B4GALNT2: variants seen among roughly 807,000 people sequenced by gnomAD.
B4GALNT2 encodes the protein N-acetylneuraminylgalactosylglucosyl-glucoside beta-1,4-N- acetylgalactosaminyltransferase 2.
In B4GALNT2, 42 loss-of-function variants were observed where a neutral mutation model predicts 51.1. That is an observed-to-expected ratio of 0.82 (90% confidence interval 0.64 to 1.06). B4GALNT2 has a LOEUF of 1.06. Ranked by LOEUF, B4GALNT2 falls within the 50% of genes least tolerant of loss-of-function variation. The pLI is 0.00. For missense variants in B4GALNT2, 602 were observed against 633.6 expected (o/e 0.95, Z 0.54); for synonymous variants, 253 against 251.7 (o/e 1.01, Z -0.05).
intron 3 of B4GALNT2, among the ~76,000 whole-genome samples, chr17:49,150,099 C>T (rs1052411762): frequency 4.0e-5 from 6 of 150,354 alleles, no homozygotes; most frequent in African/African-American, 1.2e-4. Context: ...CCTGGCCAGC[C>T]GCCCCGTCCA....
In B4GALNT2 at chr17:49,136,480, G is replaced by GC. The variant is rs540201619; in HGVS notation, c.14+3676dup. Among the ~76,000 whole-genome samples the GC allele has an allele frequency of 1.2e-4, 18 of 151,662 alleles. No individual in the cohort carries two copies. In the South Asian group the frequency reaches 3.7e-3, roughly 32 times the overall value. On this transcript the variant is annotated intron_variant, in intron 1 of 10. Transcript: ENST00000393354. ...CAGTAATTTGATTTTTTTAAAAGGT[G>GC]CCTTTATTTACTTAGATGTTTAAGC... is the stretch of plus-strand genomic sequence containing the variant.
chr17:49,152,401 C>T (rs2042766299), intron 3 of B4GALNT2, among the ~76,000 whole-genome samples: 1 of 152,074 alleles, frequency 6.6e-6, no homozygotes, highest in South Asian at 2.1e-4. Flanking sequence ...CAGCCAGGTG[C>T]GGTGGCTCAC....
chr17:49,152,983 G>T, intron 4 of B4GALNT2, 77 bp downstream of exon 4: 2 of 1,318,982 alleles, frequency 1.5e-6, no homozygotes, highest in Non-Finnish European at 1.1e-6. Context: ...GAGGTCGGGT[G>T]CAGTGGCTCA....
intron 7 of B4GALNT2, among the ~76,000 whole-genome samples, chr17:49,162,102 G>A (rs1286171039): frequency 2.0e-5 from 3 of 151,406 alleles, no homozygotes; most frequent in African/African-American, 2.4e-5. Context: ...ATTCTCCTGC[G>A]TCAGCCTCCC....
chr17:49,129,673 G>A (rs1332412592), upstream of B4GALNT2, among the ~76,000 whole-genome samples: 1 of 151,202 alleles, frequency 6.6e-6, no homozygotes, highest in Non-Finnish European at 1.5e-5. Context: ...TTGGTTTTAG[G>A]GTGAGACAGC....
Position 49,171,571 on chromosome 17 carries a change from G to A in B4GALNT2, c.*1843G>A, listed in dbSNP as rs534332976. 108 of 421,872 alleles carry A rather than the reference G, an allele frequency of 2.6e-4. No homozygotes were observed. The highest frequency in any genetic ancestry group is 4.0e-4 in the Non-Finnish European group (87 of 216,596). The allele number at this position is 421,872 out of a possible 1,614,324, so 26.1% of individuals were successfully genotyped here. On this transcript the variant is annotated 3_prime_UTR_variant, in exon 11 of 11. Coordinates refer to ENST00000393354, the MANE Select transcript of B4GALNT2 (RefSeq NM_001159387.2). The stretch of plus-strand genomic sequence containing the variant: ...GCTTCTACAGTGGACCATATCATTT[G>A]AGGTTGAGGTGCCACTATACCGCCA...
chr17:49,135,505 G>A (rs967566911), intron 1 of B4GALNT2, among the ~76,000 whole-genome samples: 12 of 151,842 alleles, frequency 7.9e-5, no homozygotes, highest in African/African-American at 2.4e-4. Context: ...TGATCCACCC[G>A]CCTCGGCCTC....
At chr17:49,125,676 T>C in the B4GALNT2 span, among the ~76,000 whole-genome samples, 1 of 123,286 alleles carries the variant, frequency 8.1e-6, no homozygotes, top group Non-Finnish European at 1.7e-5. Flanking sequence ...GTCTCCGCCC[T>C]GTGGCCGCCC....
At chr17:49,120,486 G>C in the B4GALNT2 span, among the ~76,000 whole-genome samples, 1,805 of 28,778 alleles carry the variant, frequency 0.063, 11 homozygotes, top group South Asian at 0.12. Context: ...GTGTGTGTCT[G>C]TGTGTGTGTG....
At chr17:49,165,908 T>C (rs1283589597) in intron 8 of B4GALNT2, among the ~76,000 whole-genome samples, 1 of 152,188 alleles carries the variant, frequency 6.6e-6, no homozygotes, top group Non-Finnish European at 1.5e-5. Context: ...ACACAGTCAC[T>C]GTCCCTTCCA....
At chr17:49,124,730 G>A in the B4GALNT2 span, among the ~76,000 whole-genome samples, 2 of 152,210 alleles carry the variant, frequency 1.3e-5, no homozygotes, top group Admixed American at 1.3e-4. Flanking sequence ...CAAATTTACC[G>A]AATTTTAATG....
At chr17:49,159,294 T>C in intron 6 of B4GALNT2, 77 bp downstream of exon 6, 2 of 1,412,738 alleles carry the variant, frequency 1.4e-6, no homozygotes, top group East Asian at 4.6e-5. Flanking sequence ...GTCTTCCTCC[T>C]TCAGGAAGCC....
At chr17:49,159,881 G>T (rs1331494799) in intron 6 of B4GALNT2, among the ~76,000 whole-genome samples, 2 of 152,064 alleles carry the variant, frequency 1.3e-5, no homozygotes, top group Non-Finnish European at 2.9e-5. Context: ...GCCAGCCTGT[G>T]CCTCAGCATC....
At chr17:49,145,058 C>T (rs1035123734) in intron 3 of B4GALNT2, among the ~76,000 whole-genome samples, 1 of 152,132 alleles carries the variant, frequency 6.6e-6, no homozygotes, top group African/African-American at 2.4e-5. Context: ...GGTCTGCCTT[C>T]CCCAGCCCAC....
At position 49,167,770 on chromosome 17, in the gene B4GALNT2, C is replaced by T. The variant is rs765733030; in HGVS notation, c.1096-911C>T. Among the ~76,000 whole-genome samples the T allele has an allele frequency of 2.6e-5, 4 of 152,012 alleles. No homozygotes were observed. In the South Asian group the frequency reaches 6.2e-4, roughly 24 times the overall value. On this transcript the variant is annotated intron_variant, in intron 9 of 10. Transcript: ENST00000393354. Reference sequence around the variant, plus strand: ...GACCATAGGCACATGCCACCATGCCCGGCTGATTTTTGTATTTTTAGTAGA... The same window carrying T: ...GACCATAGGCACATGCCACCATGCCTGGCTGATTTTTGTATTTTTAGTAGA...
intron 1 of B4GALNT2, among the ~76,000 whole-genome samples, chr17:49,137,871 A>G (rs2042604583): frequency 6.6e-6 from 1 of 152,202 alleles, no homozygotes; most frequent in Non-Finnish European, 1.5e-5. Flanking sequence ...ACAGCACAAG[A>G]TGAGACTTAG....
intron 7 of B4GALNT2, among the ~76,000 whole-genome samples, chr17:49,163,337 A>G (rs1423669488): frequency 6.6e-6 from 1 of 152,202 alleles, no homozygotes; most frequent in Non-Finnish European, 1.5e-5. Context: ...GCTTTTCTCT[A>G]GGAGTTGCAG....
chr17:49,150,786 G>C (rs1391833245), intron 3 of B4GALNT2, among the ~76,000 whole-genome samples: 6 of 149,114 alleles, frequency 4.0e-5, no homozygotes, highest in African/African-American at 1.3e-4. Flanking sequence ...CAAACACTGC[G>C]GAAGGCCGCA....
chr17:49,169,010 A>G, intron 10 of B4GALNT2, 110 bp downstream of exon 10: 1 of 1,110,592 alleles, frequency 9.0e-7, no homozygotes, highest in Middle Eastern at 3.0e-4. Flanking sequence ...CTTGCCCAGT[A>G]GCAGTACATC....
Sources: allele counts gnomAD v4.1 joint callset (sites outside exome capture counted in the v4.1 genomes callset), GRCh38; gene constraint gnomAD v4.1.1; transcripts MANE v1.5; gene names NCBI Gene and HGNC (gene_info 2026-07-23, HGNC 2026-07-21).